The following NREP variants were observed in gnomAD, a reference collection of about 807,000 sequenced individuals.
NREP encodes the protein neuronal regeneration-related protein.
A neutral mutation model predicts 8.6 loss-of-function variants in NREP; 5 were observed. The ratio of observed to expected loss-of-function variants is 0.58; its 90% CI spans 0.30 to 1.22. NREP has a LOEUF of 1.22. Among genes scored for constraint, NREP ranks in the 50% most tolerant of loss-of-function variants. The probability of loss-of-function intolerance (pLI) is 0.07; values close to 1 mark genes in which losing one functional copy is unlikely to be tolerated. For synonymous variants in NREP, 27 were observed against 28.0 expected, an observed-to-expected ratio of 0.96 and a Z score of 0.11; for missense variants, 86 against 82.5, an observed-to-expected ratio of 1.04 and a Z score of -0.17.
At chr5:111,751,838 C>T (rs1750378933) in intron 2 of NREP, among the ~76,000 whole-genome samples, 1 of 152,104 alleles carries the variant, frequency 6.6e-6, no homozygotes, top group Non-Finnish European at 1.5e-5. Flanking sequence ...TATTTCAACC[C>T]TCCATTTCAC....
At chr5:111,924,534 A>G (rs1024488798) in intron 2 of NREP, among the ~76,000 whole-genome samples, 2 of 152,084 alleles carry the variant, frequency 1.3e-5, no homozygotes, top group African/African-American at 4.8e-5. Flanking sequence ...TTAGCAAAGT[A>G]TAGGGATTAG....
chr5:111,812,944 A>G (rs530185128), intron 2 of NREP, among the ~76,000 whole-genome samples: 1 of 152,322 alleles, frequency 6.6e-6, no homozygotes, highest in African/African-American at 2.4e-5. Flanking sequence ...TAGCTAGGCC[A>G]TAGTCAATAG....
At chr5:111,965,386 G>A (rs1756614909) in intron 2 of NREP, among the ~76,000 whole-genome samples, 1 of 152,156 alleles carries the variant, frequency 6.6e-6, no homozygotes, top group South Asian at 2.1e-4. Context: ...ATTATTGGCA[G>A]GAGGTTGTAT....
intron 1 of NREP, 95 bp from the exon 2 acceptor site, chr5:111,755,925 T>A: frequency 1.3e-6 from 2 of 1,546,894 alleles, no homozygotes; most frequent in Non-Finnish European, 1.7e-6. Flanking sequence ...AATAACCATT[T>A]TCTGTGGTTA....
At chr5:111,955,545 C>T (rs1475633220) in intron 2 of NREP, among the ~76,000 whole-genome samples, 2 of 150,298 alleles carry the variant, frequency 1.3e-5, no homozygotes, top group African/African-American at 2.4e-5. Flanking sequence ...AGAAAAACAA[C>T]TTTTCCTTAT....
At chr5:111,877,264 G>A (rs1347835273) in intron 2 of NREP, among the ~76,000 whole-genome samples, 1 of 152,072 alleles carries the variant, frequency 6.6e-6, no homozygotes, top group African/African-American at 2.4e-5. Context: ...TGGGTCTCCG[G>A]CAATAAACTC....
chr5:111,858,847 C>T (rs1753483559), intron 2 of NREP, among the ~76,000 whole-genome samples: 1 of 152,122 alleles, frequency 6.6e-6, no homozygotes, highest in Admixed American at 6.5e-5. Flanking sequence ...ACCTTACGAG[C>T]ATCAACCACC....
At chr5:111,750,880 G>C (rs1333076541) in intron 2 of NREP, among the ~76,000 whole-genome samples, 1 of 152,174 alleles carries the variant, frequency 6.6e-6, no homozygotes, top group African/African-American at 2.4e-5. Context: ...GCCATTGCAA[G>C]TCACGTTCTT....
At chr5:111,794,232 G>C (rs1561668958) in intron 2 of NREP, among the ~76,000 whole-genome samples, 1 of 152,188 alleles carries the variant, frequency 6.6e-6, no homozygotes, top group Non-Finnish European at 1.5e-5. Context: ...GAATGCAAAT[G>C]CTGCAGTCAT....
intron 2 of NREP, among the ~76,000 whole-genome samples, chr5:111,807,744 C>T (rs1039741462): frequency 3.3e-5 from 5 of 152,088 alleles, no homozygotes; most frequent in Non-Finnish European, 5.9e-5. Context: ...TATAAAATTT[C>T]CACAGAAAAT....
At chr5:111,860,456 A>C (rs1753520532) in intron 2 of NREP, among the ~76,000 whole-genome samples, 1 of 151,984 alleles carries the variant, frequency 6.6e-6, no homozygotes, top group Non-Finnish European at 1.5e-5. Context: ...TATTCATTCC[A>C]TTTGCACTTT....
intron 2 of NREP, among the ~76,000 whole-genome samples, chr5:111,906,149 T>C (rs1754772613): frequency 6.6e-6 from 1 of 152,094 alleles, no homozygotes; most frequent in African/African-American, 2.4e-5. Context: ...GATACCACTG[T>C]GCTAGTGCCT....
intron 2 of NREP, among the ~76,000 whole-genome samples, chr5:111,789,463 C>T (rs1031823481): frequency 9.2e-5 from 14 of 152,048 alleles, no homozygotes; most frequent in African/African-American, 2.7e-4. Flanking sequence ...TTATTAGTGC[C>T]GCATGTACAT....
At chr5:111,835,003 G>T (rs528285283) in intron 2 of NREP, among the ~76,000 whole-genome samples, 1 of 152,110 alleles carries the variant, frequency 6.6e-6, no homozygotes, top group African/African-American at 2.4e-5. Flanking sequence ...TTCCAAGAAG[G>T]CACCTCCTAT....
intron 2 of NREP, among the ~76,000 whole-genome samples, chr5:111,812,539 T>C (rs1464468573): frequency 1.3e-5 from 2 of 152,206 alleles, no homozygotes; most frequent in African/African-American, 2.4e-5. Flanking sequence ...TTCTACATTA[T>C]AGTCAATATA....
intron 2 of NREP, among the ~76,000 whole-genome samples, chr5:111,919,583 G>A (rs112115881): frequency 0.064 from 9,667 of 152,036 alleles, 706 homozygotes; most frequent in East Asian, 0.23. Context: ...GGACATGGAT[G>A]AAGCTGGAAA....
chr5:111,821,588 C>G (rs879321936), intron 2 of NREP, among the ~76,000 whole-genome samples: 1 of 152,040 alleles, frequency 6.6e-6, no homozygotes, highest in Non-Finnish European at 1.5e-5. Flanking sequence ...AATTTCTTGA[C>G]CAAAAAAATG....
chr5:111,950,139 G>A lies in NREP; in HGVS notation c.135+25135C>T, dbSNP rs115312272. ...ATCACCATTCTAACTGGTGTGAGAT[G>A]GTGGGTGTCTCACTGTGGTTTTGAT... On this transcript the variant is annotated intron_variant, in intron 2 of 3. Transcript: ENST00000395634. Among the ~76,000 whole-genome samples the A allele has an allele frequency of 4.1e-3, 628 of 152,108 alleles. 4 individuals are homozygous for A. Among genetic ancestry groups the A allele is most frequent in the African/African-American group, 0.014 (591 of 41,528 alleles).
chr5:111,848,988 C>T (rs1182612544), intron 2 of NREP, among the ~76,000 whole-genome samples: 2 of 152,108 alleles, frequency 1.3e-5, no homozygotes, highest in Non-Finnish European at 2.9e-5. Context: ...TCATACTCTT[C>T]ACTGGCCCTG....
Sources: allele counts gnomAD v4.1 joint callset (sites outside exome capture counted in the v4.1 genomes callset), GRCh38; gene constraint gnomAD v4.1.1; transcripts MANE v1.5; gene names NCBI Gene and HGNC (gene_info 2026-07-23, HGNC 2026-07-21).